Variants in CMIP observed in about 807,000 individuals in gnomAD.
The protein encoded by CMIP is c-Maf inducing protein.
In CMIP, 13 loss-of-function variants were observed where a neutral mutation model predicts 97.3. The ratio of observed to expected loss-of-function variants is 0.13; its 90% CI spans 0.09 to 0.21. The LOEUF is 0.21. Ranked by LOEUF, CMIP falls within the 10% of genes least tolerant of loss-of-function variation. The pLI is 1.00. For missense variants in CMIP, 847 were observed against 1,024.9 expected (o/e 0.83, Z 2.37); for synonymous variants, 538 against 436.3 (o/e 1.23, Z -2.91).
chr16:81,631,540 T>A (rs1365700925), intron 3 of CMIP: 2 of 152,248 alleles, frequency 1.3e-5, no homozygotes, highest in Admixed American at 1.3e-4. Flanking sequence ...TATCCTGACT[T>A]CTAGCAGCAC....
At chr16:81,546,142 G>A (rs1483165747) in intron 1 of CMIP, among the ~76,000 whole-genome samples, 1 of 152,196 alleles carries the variant, frequency 6.6e-6, no homozygotes. Context: ...CGTGTCTCCT[G>A]AAACCTCGTG....
chr16:81,658,828 C>A (rs959166471), intron 5 of CMIP, among the ~76,000 whole-genome samples: 3 of 152,216 alleles, frequency 2.0e-5, no homozygotes, highest in Non-Finnish European at 4.4e-5. Context: ...AGGTACAGAA[C>A]AAGAGCAGCA....
intron 10 of CMIP, among the ~76,000 whole-genome samples, chr16:81,687,466 C>G (rs975102559): frequency 1.3e-5 from 2 of 152,188 alleles, no homozygotes; most frequent in Non-Finnish European, 2.9e-5. Flanking sequence ...CGCGGAGTCC[C>G]TATAGCCAGA....
At chr16:81,538,234 G>A (rs914765441) in intron 1 of CMIP, among the ~76,000 whole-genome samples, 6 of 152,186 alleles carry the variant, frequency 3.9e-5, no homozygotes, top group East Asian at 3.9e-4. Context: ...TTCTCAGAGC[G>A]ACACCCATAA....
At chr16:81,689,230 C>T (rs1199738300) in intron 10 of CMIP, among the ~76,000 whole-genome samples, 2 of 152,236 alleles carry the variant, frequency 1.3e-5, no homozygotes, top group African/African-American at 4.8e-5. Flanking sequence ...AAGGCATCTC[C>T]ACACTGTCTT....
At chr16:81,691,659 G>A (rs1450433793) in intron 10 of CMIP, 116 bp from the exon 11 acceptor site, 1 of 777,210 alleles carries the variant, frequency 1.3e-6, no homozygotes, top group Non-Finnish European at 2.2e-6. Context: ...AGAAGTCAGT[G>A]CCACTGACTA....
intron 1 of CMIP, among the ~76,000 whole-genome samples, chr16:81,456,402 G>C (rs1251707039): frequency 1.3e-5 from 2 of 152,238 alleles, no homozygotes; most frequent in East Asian, 1.9e-4. Flanking sequence ...TCCAGAGCCA[G>C]TGGCCTCCAG....
intron 1 of CMIP, among the ~76,000 whole-genome samples, chr16:81,447,908 C>G (rs536771778): frequency 6.6e-6 from 1 of 152,154 alleles, no homozygotes; most frequent in Admixed American, 6.5e-5. Flanking sequence ...TCATGAGACA[C>G]CTGGTTGGTG....
At chr16:81,573,983 C>A (rs773654126) in intron 1 of CMIP, among the ~76,000 whole-genome samples, 5 of 152,108 alleles carry the variant, frequency 3.3e-5, no homozygotes, top group Non-Finnish European at 5.9e-5. Flanking sequence ...CAAGCCTAGG[C>A]TTGACCCCTG....
At chr16:81,645,622 A>G (rs1157492431) in intron 3 of CMIP, 2 of 1,535,482 alleles carry the variant, frequency 1.3e-6, no homozygotes, top group East Asian at 2.4e-5. Context: ...CTTGACAAGC[A>G]GAGAGGGTGA....
intron 1 of CMIP, among the ~76,000 whole-genome samples, chr16:81,494,071 G>T (rs1377805369): frequency 1.3e-5 from 2 of 152,186 alleles, no homozygotes; most frequent in Non-Finnish European, 2.9e-5. Flanking sequence ...AGAGTCCCTG[G>T]CTCAAAGGTA....
At chr16:81,651,354 T>G (rs150957960) in intron 3 of CMIP, 9,998 of 899,956 alleles carry the variant, frequency 0.011, 68 homozygotes, top group Non-Finnish European at 0.012. Flanking sequence ...CGGAACTAAC[T>G]CTGCCTCAAA....
At chr16:81,599,962 G>C (rs1650686290) in intron 1 of CMIP, among the ~76,000 whole-genome samples, 1 of 152,086 alleles carries the variant, frequency 6.6e-6, no homozygotes, top group African/African-American at 2.4e-5. Flanking sequence ...CTGCATAGCA[G>C]GTGTCCTTCC....
At chr16:81,618,592 C>G (rs571250920) in intron 2 of CMIP, 18 of 152,410 alleles carry the variant, frequency 1.2e-4, no homozygotes, top group African/African-American at 4.1e-4. Flanking sequence ...GCCAGCTCAT[C>G]CCAGCTTGCA....
At chr16:81,529,810 TCC>T (rs1458532402) in intron 1 of CMIP, among the ~76,000 whole-genome samples, 1 of 152,184 alleles carries the variant, frequency 6.6e-6, no homozygotes, top group Non-Finnish European at 1.5e-5. Context: ...GCAAGGATAC[TCC>T]TTCTCCTCTG....
chr16:81,466,091 C>G (rs1162921912), intron 1 of CMIP, among the ~76,000 whole-genome samples: 1 of 151,746 alleles, frequency 6.6e-6, no homozygotes, highest in East Asian at 1.9e-4. Flanking sequence ...GGTAGGGTCT[C>G]GCCCTGTCAC....
chr16:81,480,519 G>GAT, intron 1 of CMIP, among the ~76,000 whole-genome samples: 1 of 152,178 alleles, frequency 6.6e-6, no homozygotes, highest in African/African-American at 2.4e-5. Flanking sequence ...CAGCCTGGGC[G>GAT]ACAGAGTGAG....
intron 1 of CMIP, among the ~76,000 whole-genome samples, chr16:81,473,350 G>A (rs1048540157): frequency 1.3e-5 from 2 of 152,230 alleles, no homozygotes; most frequent in South Asian, 2.1e-4. Flanking sequence ...TAATTTCCAT[G>A]TCTGGGACGG....
Position 81,691,814 on chromosome 16 carries a change from G to C in CMIP, c.1428G>C (p.Leu476Phe). ...ACTGGAGACCGTCTCTGGCCAGTTT[G>C]CTTCAACCCATTCCATTCCCCAAAG... The part of the protein sequence containing the change: ...YDDWRPSLAS[L>F]LQPIPFPKEA... Residue 476 changes from leucine (L) to phenylalanine (F), a missense_variant, in exon 11 of 21, where the codon TTG becomes TTC. Around this residue, in one of 4 missense-constraint regions of CMIP, gnomAD observed 202 missense variants for 168.7 expected, o/e 1.20. Coordinates refer to ENST00000537098, the MANE Select transcript of CMIP (RefSeq NM_198390.3). The C allele has an allele frequency of 6.2e-7, 1 of 1,613,908 alleles. No homozygotes were observed. The highest frequency in any genetic ancestry group is 8.5e-7 in the Non-Finnish European group (1 of 1,179,840).
Sources: allele counts gnomAD v4.1 joint callset (sites outside exome capture counted in the v4.1 genomes callset), GRCh38; gene constraint gnomAD v4.1.1; regional missense constraint gnomAD v4.1.1; transcripts MANE v1.5; gene names NCBI Gene and HGNC (gene_info 2026-07-23, HGNC 2026-07-21).